The following HYDIN variants were observed in gnomAD, a reference collection of about 807,000 sequenced individuals.
HYDIN encodes HYDIN axonemal central pair apparatus protein.
A neutral mutation model predicts 403.9 loss-of-function variants in HYDIN; 132 were observed. The observed-to-expected ratio is 0.33, with a 90% CI of 0.28 to 0.38. The LOEUF (loss-of-function observed/expected upper bound fraction) is 0.38, where lower values mean the gene tolerates loss of function less well. HYDIN is among the 10% of genes least tolerant of loss of function. The pLI is 1.00. For missense variants in HYDIN, 2,827 were observed against 5,009.5 expected, an observed-to-expected ratio of 0.56 and a Z score of 13.15; for synonymous variants, 1,202 against 1,891.7, an observed-to-expected ratio of 0.64 and a Z score of 9.46.
intron 12 of HYDIN, among the ~76,000 whole-genome samples, chr16:71,081,543 G>C (rs2082785665): frequency 1.3e-5 from 2 of 151,974 alleles, no homozygotes; most frequent in South Asian, 4.1e-4. Context: ...AGATGCTAAA[G>C]AAAGTAGGAA....
In HYDIN at chr16:70,807,679, T is replaced by A; in HGVS notation, c.15267A>T (p.Lys5089Asn). 6.2e-7 allele frequency: 1 copy of A among 1,614,040 alleles called. No individual in the cohort carries two copies. The change falls in exon 86 of 86, where the codon AAA (lysine) becomes AAT (asparagine). Residue 5089 changes from lysine to asparagine, a missense_variant. Coordinates refer to ENST00000393567, the MANE Select transcript of HYDIN (RefSeq NM_001270974.2). ...VSFEGNPSGS[K>N]TPITTKLTVS... ...CAGTCAGCTTGGTGGTGATGGGGGTTTTGCTGCCAGATGGGTTTCCTTCAA... is the reference window on the plus strand; with the variant it reads ...CAGTCAGCTTGGTGGTGATGGGGGTATTGCTGCCAGATGGGTTTCCTTCAA...
chr16:71,062,623 G>GTCCACTT lies in HYDIN; in HGVS notation c.2212-297_2212-291dup. 2 of 264,194 alleles carry GTCCACTT rather than the reference G, an allele frequency of 7.6e-6. 1 individual carries two copies. The highest frequency in any genetic ancestry group is 1.4e-4 in the South Asian group (2 of 14,022). The allele number at this position is 264,194 out of a possible 1,614,324, so 16.4% of individuals were successfully genotyped here. A position where few individuals can be genotyped will look rare whatever the true frequency, so the allele number is the denominator to read the frequency against. On this transcript the variant is annotated intron_variant, in intron 16 of 85. Coordinates refer to ENST00000393567, the MANE Select transcript of HYDIN (RefSeq NM_001270974.2). ...CCACTTTCCTTAGGAAAAGGAAAAG[G>GTCCACTT]TCCACTTTCCACTTTCCAAGTTCCT...
intron 3 of HYDIN, among the ~76,000 whole-genome samples, chr16:71,183,586 G>A (rs1362714634): frequency 1.3e-5 from 2 of 152,104 alleles, no homozygotes; most frequent in African/African-American, 4.8e-5. Flanking sequence ...ATCATTTAAA[G>A]TCAGAAGGTC....
intron 79 of HYDIN, among the ~76,000 whole-genome samples, chr16:70,833,461 C>G (rs1388569755): frequency 9.2e-6 from 1 of 108,750 alleles, no homozygotes; most frequent in Non-Finnish European, 1.9e-5. Flanking sequence ...CCCTGCACTG[C>G]TTCCTGGTTC....
intron 17 of HYDIN, among the ~76,000 whole-genome samples, chr16:71,061,472 C>T (rs2082076694): frequency 1.3e-5 from 2 of 152,280 alleles, no homozygotes; most frequent in Non-Finnish European, 2.9e-5. Context: ...GCCTGTTGGG[C>T]AACCTCCTGT....
At chr16:71,211,651 A>AG (rs889101964) in intron 1 of HYDIN, among the ~76,000 whole-genome samples, 5 of 148,346 alleles carry the variant, frequency 3.4e-5, no homozygotes, top group African/African-American at 1.2e-4. Context: ...CAAAAAAAAA[A>AG]AAAAAAAAAT....
chr16:71,151,339 A>G (rs1300476040), intron 7 of HYDIN, among the ~76,000 whole-genome samples: 4 of 151,890 alleles, frequency 2.6e-5, no homozygotes, highest in Admixed American at 6.5e-5. Flanking sequence ...CATGGGACCT[A>G]AGACAAGGGC....
chr16:70,940,871 G>A (rs1279439103), intron 43 of HYDIN, among the ~76,000 whole-genome samples: 2 of 152,262 alleles, frequency 1.3e-5, no homozygotes, highest in African/African-American at 4.8e-5. Context: ...TGTGGCTGGA[G>A]CCGAAGCTCC....
chr16:71,158,216 A>C (rs8063512), intron 6 of HYDIN, among the ~76,000 whole-genome samples: 10 of 151,556 alleles, frequency 6.6e-5, no homozygotes, highest in Admixed American at 1.3e-4. Context: ...ATGTTAACTT[A>C]CTGGGGGAGT....
intron 58 of HYDIN, 142 bp from the exon 59 acceptor site, chr16:70,884,266 C>T: frequency 1.3e-6 from 1 of 756,244 alleles, no homozygotes; most frequent in South Asian, 1.8e-5. Flanking sequence ...CCTCTTTCCT[C>T]TCCTCCTGGA....
At chr16:71,201,794 TCATCTGAGC>T (rs1341327571) in intron 1 of HYDIN, among the ~76,000 whole-genome samples, 4 of 152,210 alleles carry the variant, frequency 2.6e-5, no homozygotes, top group African/African-American at 4.8e-5. Flanking sequence ...AACTTCTGAG[TCATCTGAGC>T]CAGTCAATGT....
Position 70,850,596 on chromosome 16 carries a change from A to G in HYDIN, c.12503T>C (p.Ile4168Thr). Residue 4168 changes from isoleucine (I) to threonine (T), a missense_variant, in exon 74 of 86, where the codon ATC becomes ACC. Coordinates refer to ENST00000393567, the MANE Select transcript of HYDIN (RefSeq NM_001270974.2). ...GTGGACTTTCTTTTCCACATTGCAG[A>G]TCAAATTAAAGTTCACATCTCCTTC... is the stretch of plus-strand genomic sequence containing the variant. ...KQEGDVNFNL[I>T]CNVEKKVHPV... 6.2e-7 allele frequency: 1 copy of G among 1,613,960 alleles called. No individual in the cohort carries two copies. Among genetic ancestry groups the G allele is most frequent in the Non-Finnish European group, 8.5e-7 (1 of 1,179,958 alleles).
chr16:71,116,089 C>T (rs1446895199), intron 9 of HYDIN, among the ~76,000 whole-genome samples: 1 of 152,094 alleles, frequency 6.6e-6, no homozygotes, highest in African/African-American at 2.4e-5. Context: ...CTATAGTCAC[C>T]ATGCACTACA....
intron 65 of HYDIN, among the ~76,000 whole-genome samples, chr16:70,870,959 A>C (rs527646680): frequency 3.3e-5 from 5 of 152,150 alleles, no homozygotes; most frequent in Non-Finnish European, 7.4e-5. Context: ...TGATCTTGGG[A>C]AGTGGAGGTT....
chr16:71,019,741 C>T (rs1252727408), intron 22 of HYDIN, among the ~76,000 whole-genome samples: 1 of 152,148 alleles, frequency 6.6e-6, no homozygotes, highest in East Asian at 1.9e-4. Context: ...CATTATTTCT[C>T]AGAGTTATCA....
chr16:70,808,566 G>A (rs1276241896), intron 85 of HYDIN, among the ~76,000 whole-genome samples: 1 of 152,174 alleles, frequency 6.6e-6, no homozygotes, highest in African/African-American at 2.4e-5. Context: ...AAGAGACTGA[G>A]ATGAGCAGGG....
intron 13 of HYDIN, among the ~76,000 whole-genome samples, chr16:71,075,167 T>C (rs1043640938): frequency 4.0e-5 from 6 of 151,784 alleles, no homozygotes; most frequent in Admixed American, 6.6e-5. Context: ...GTTTGGGAAA[T>C]CTTGGGGGTC....
intron 1 of HYDIN, among the ~76,000 whole-genome samples, chr16:71,223,875 G>T (rs1205084597): frequency 2.6e-5 from 4 of 152,146 alleles, no homozygotes; most frequent in African/African-American, 9.6e-5. Flanking sequence ...TACACTATTG[G>T]TGGGAATGCA....
chr16:70,849,481 A>G (rs1420522549), intron 75 of HYDIN, among the ~76,000 whole-genome samples: 1 of 151,308 alleles, frequency 6.6e-6, no homozygotes, highest in Admixed American at 6.6e-5. Context: ...CCCATCTATC[A>G]CTTTTATTTA....
Sources: allele counts gnomAD v4.1 joint callset (sites outside exome capture counted in the v4.1 genomes callset), GRCh38; gene constraint gnomAD v4.1.1; transcripts MANE v1.5; gene names NCBI Gene and HGNC (gene_info 2026-07-23, HGNC 2026-07-21).